Variants in PCDH7 observed in about 807,000 individuals in gnomAD.
PCDH7 encodes protocadherin-7.
PCDH7 carries 17 observed loss-of-function variants against 58.9 expected under a neutral mutation model. That is an observed-to-expected ratio of 0.29 (90% confidence interval 0.20 to 0.43). The LOEUF (loss-of-function observed/expected upper bound fraction) is 0.43. Among genes scored for constraint, PCDH7 ranks in the 20% least tolerant of loss-of-function variants. The probability of loss-of-function intolerance (pLI) is 1.00; values close to 1 mark genes in which losing one functional copy is unlikely to be tolerated. For synonymous variants in PCDH7, 664 were observed against 616.4 expected (o/e 1.08, Z -1.14); for missense variants, 1,274 against 1,441.0 (o/e 0.88, Z 1.88).
At chr4:30,997,408 G>A (rs1751997304) in intron 3 of PCDH7, among the ~76,000 whole-genome samples, 1 of 152,114 alleles carries the variant, frequency 6.6e-6, no homozygotes, top group African/African-American at 2.4e-5. Context: ...ATTGAAGATT[G>A]TGTTTTAATA....
chr4:31,048,705 C>T (rs1282950230), intron 3 of PCDH7, among the ~76,000 whole-genome samples: 1 of 151,308 alleles, frequency 6.6e-6, no homozygotes. Flanking sequence ...CCCACTAGTA[C>T]TGTTGAAAAG....
At chr4:31,109,652 T>C (rs2109309714) in intron 3 of PCDH7, among the ~76,000 whole-genome samples, 1 of 152,354 alleles carries the variant, frequency 6.6e-6, no homozygotes, top group Non-Finnish European at 1.5e-5. Context: ...CTCACAAGTA[T>C]AACCATTTCA....
At chr4:30,896,803 A>G (rs1024805681) in intron 1 of PCDH7, among the ~76,000 whole-genome samples, 1 of 147,152 alleles carries the variant, frequency 6.8e-6, no homozygotes, top group Non-Finnish European at 1.5e-5. Flanking sequence ...ATTTGCACGT[A>G]TCTTTGCACA....
At chr4:31,102,516 A>G (rs774687374) in intron 3 of PCDH7, among the ~76,000 whole-genome samples, 3 of 152,130 alleles carry the variant, frequency 2.0e-5, no homozygotes, top group African/African-American at 4.8e-5. Flanking sequence ...TGGGGTCAGG[A>G]GTTCGAGACC....
chr4:31,127,642 A>T (rs183860993), intron 3 of PCDH7, among the ~76,000 whole-genome samples: 3 of 152,312 alleles, frequency 2.0e-5, no homozygotes, highest in Admixed American at 2.0e-4. Context: ...GAATATCTCA[A>T]GGTAAGAAAC....
At chr4:30,814,205 T>TTG (rs991619754) in intron 1 of PCDH7, among the ~76,000 whole-genome samples, 2 of 151,454 alleles carry the variant, frequency 1.3e-5, no homozygotes, top group Admixed American at 6.6e-5. Flanking sequence ...AAAGGTGTGT[T>TTG]TGTGTGTGTG....
In PCDH7 at chr4:30,876,700, C is replaced by A. The variant is rs1035391612; in HGVS notation, c.71-43453C>A. Among the ~76,000 whole-genome samples the A allele has an allele frequency of 4.6e-5, 7 of 151,902 alleles. 1 individual carries two copies. The highest frequency in any genetic ancestry group is 4.4e-5 in the Non-Finnish European group (3 of 67,970). On this transcript the variant is annotated intron_variant, in intron 1 of 3. Coordinates refer to the PCDH7 transcript ENST00000509759. ...AGGTACATAAGGTGGAGATGTGAGTCATTTACCTGTAACAAATAATTTGTT... is the reference window on the plus strand; with the variant it reads ...AGGTACATAAGGTGGAGATGTGAGTAATTTACCTGTAACAAATAATTTGTT...
chr4:30,886,656 A>T (rs888275104), intron 1 of PCDH7, among the ~76,000 whole-genome samples: 4 of 150,920 alleles, frequency 2.7e-5, no homozygotes, highest in Non-Finnish European at 5.9e-5. Context: ...TCATGCTGCT[A>T]TAAAGACACA....
intron 1 of PCDH7, among the ~76,000 whole-genome samples, chr4:30,770,256 C>T (rs1007948485): frequency 6.6e-6 from 1 of 152,210 alleles, no homozygotes; most frequent in East Asian, 1.9e-4. Flanking sequence ...GTGCTACTAA[C>T]GTACCAAGTT....
chr4:30,767,316 A>G (rs1248073908), intron 1 of PCDH7, among the ~76,000 whole-genome samples: 2 of 152,220 alleles, frequency 1.3e-5, no homozygotes, highest in African/African-American at 4.8e-5. Context: ...ACTTTAATCT[A>G]TGATCTAATC....
At chr4:31,050,780 G>A (rs373350783) in intron 3 of PCDH7, among the ~76,000 whole-genome samples, 1 of 152,214 alleles carries the variant, frequency 6.6e-6, no homozygotes, top group South Asian at 2.1e-4. Context: ...ACATTTGTAG[G>A]ATACTTTAGA....
chr4:31,071,746 C>G (rs535100938), intron 3 of PCDH7, among the ~76,000 whole-genome samples: 1 of 152,060 alleles, frequency 6.6e-6, no homozygotes, highest in East Asian at 1.9e-4. Flanking sequence ...AGATCCCTCG[C>G]ATTTCATTTA....
intron 1 of PCDH7, among the ~76,000 whole-genome samples, chr4:30,828,664 G>A (rs534845092): frequency 1.3e-5 from 2 of 152,132 alleles, no homozygotes; most frequent in South Asian, 2.1e-4. Context: ...CTATGGTTCC[G>A]AGAGCATGGT....
chr4:30,869,287 C>CT (rs34519747), intron 1 of PCDH7, among the ~76,000 whole-genome samples: 4 of 151,804 alleles, frequency 2.6e-5, no homozygotes, highest in Admixed American at 6.6e-5. Flanking sequence ...TGTTGATTTA[C>CT]TTTTTTTTAA....
At chr4:31,107,468 A>G (rs552214025) in intron 3 of PCDH7, among the ~76,000 whole-genome samples, 1 of 152,334 alleles carries the variant, frequency 6.6e-6, no homozygotes, top group South Asian at 2.1e-4. Context: ...GTCAAAAGCA[A>G]TCTCCTGCTT....
chr4:30,835,967 A>C (rs1730438093), intron 1 of PCDH7, among the ~76,000 whole-genome samples: 1 of 152,188 alleles, frequency 6.6e-6, no homozygotes, highest in Non-Finnish European at 1.5e-5. Flanking sequence ...ATATTATTTT[A>C]ATCCCTACTT....
intron 3 of PCDH7, among the ~76,000 whole-genome samples, chr4:30,977,631 G>A (rs1022039141): frequency 3.9e-5 from 6 of 152,080 alleles, no homozygotes; most frequent in African/African-American, 1.4e-4. Context: ...ACATTTTCAT[G>A]CACTAGAGTG....
At chr4:30,824,083 CTTT>C (rs1728724470) in intron 1 of PCDH7, among the ~76,000 whole-genome samples, 12 of 10,852 alleles carry the variant, frequency 1.1e-3, no homozygotes, top group African/African-American at 5.1e-3. Flanking sequence ...GGTTTCTTTT[CTTT>C]CTTTCTTTCT....
chr4:30,887,373 A>T (rs901397445), intron 1 of PCDH7, among the ~76,000 whole-genome samples: 3 of 152,136 alleles, frequency 2.0e-5, no homozygotes, highest in African/African-American at 7.2e-5. Context: ...CTTCTGTATT[A>T]TACTGCTTAG....
Sources: gnomAD v4.1 joint callset for allele counts (sites outside exome capture counted in the v4.1 genomes callset) on GRCh38, gnomAD v4.1.1 for gene constraint, MANE v1.5 for transcripts, NCBI Gene and HGNC (gene_info 2026-07-23, HGNC 2026-07-21) for gene names.